C12orf42: variants seen among roughly 807,000 people sequenced by gnomAD.
C12orf42 encodes chromosome 12 open reading frame 42, also known as uncharacterized protein C12orf42.
In C12orf42, 25 loss-of-function variants were observed where a neutral mutation model predicts 21.6. The ratio of observed to expected loss-of-function variants is 1.16; its 90% CI spans 0.84 to 1.62. The LOEUF (loss-of-function observed/expected upper bound fraction) is 1.62. Ranked by LOEUF, C12orf42 falls within the 40% of genes most tolerant of loss-of-function variation. The pLI, the probability that C12orf42 is intolerant of heterozygous loss-of-function variation, is 0.00. For missense variants in C12orf42, 483 were observed against 459.3 expected, an observed-to-expected ratio of 1.05 and a Z score of -0.47; for synonymous variants, 174 against 175.0, an observed-to-expected ratio of 0.99 and a Z score of 0.05.
At chr12:103,522,202 T>C in the C12orf42 span, among the ~76,000 whole-genome samples, 2 of 152,334 alleles carry the variant, frequency 1.3e-5, no homozygotes, top group Admixed American at 1.3e-4. Context: ...CTGATGGCTA[T>C]ATAAAGGGTT....
chr12:103,209,412 A>G, the C12orf42 span, among the ~76,000 whole-genome samples: 1 of 152,214 alleles, frequency 6.6e-6, no homozygotes, highest in East Asian at 1.9e-4. Context: ...TAAAATATAC[A>G]CAATTAATTA....
At chr12:103,145,938 C>T in the C12orf42 span, among the ~76,000 whole-genome samples, 13 of 144,002 alleles carry the variant, frequency 9.0e-5, no homozygotes, top group South Asian at 4.4e-4. Context: ...TGTGAATTTT[C>T]GTATACATAT....
intron 3 of C12orf42, among the ~76,000 whole-genome samples, chr12:103,374,713 T>G (rs2045546451): frequency 6.6e-6 from 1 of 152,126 alleles, no homozygotes; most frequent in Non-Finnish European, 1.5e-5. Context: ...TTAAGAAAGT[T>G]GATGAATTTG....
the C12orf42 span, among the ~76,000 whole-genome samples, chr12:103,510,673 A>G: frequency 6.6e-6 from 1 of 152,188 alleles, no homozygotes; most frequent in Non-Finnish European, 1.5e-5. Flanking sequence ...GAACTCAGTG[A>G]TAAAATTACA....
chr12:103,391,898 T>TA (rs1194087178), intron 3 of C12orf42, among the ~76,000 whole-genome samples: 11 of 152,152 alleles, frequency 7.2e-5, no homozygotes, highest in African/African-American at 2.4e-4. Context: ...AAGAAACCAT[T>TA]ACCAAATCTA....
intron 4 of C12orf42, among the ~76,000 whole-genome samples, chr12:103,351,949 C>G (rs2043135449): frequency 6.6e-6 from 1 of 151,888 alleles, no homozygotes; most frequent in South Asian, 2.1e-4. Flanking sequence ...CCACCCTCTT[C>G]CTCTCTTTCT....
chr12:103,078,845 A>T, the C12orf42 span, among the ~76,000 whole-genome samples: 1 of 152,280 alleles, frequency 6.6e-6, no homozygotes. Context: ...AAATTCAGAC[A>T]TTGCTTTGTC....
At chr12:103,355,506 G>C (rs970502830) in intron 4 of C12orf42, among the ~76,000 whole-genome samples, 1 of 152,030 alleles carries the variant, frequency 6.6e-6, no homozygotes, top group Non-Finnish European at 1.5e-5. Flanking sequence ...TGACCATCCA[G>C]GTTCTCATCA....
At chr12:103,345,103 A>G (rs1352034593) in intron 4 of C12orf42, among the ~76,000 whole-genome samples, 1 of 152,182 alleles carries the variant, frequency 6.6e-6, no homozygotes, top group East Asian at 1.9e-4. Flanking sequence ...TTTGGCTTCA[A>G]ATACTACATC....
At chr12:103,078,102 A>G in the C12orf42 span, among the ~76,000 whole-genome samples, 3 of 152,286 alleles carry the variant, frequency 2.0e-5, no homozygotes, top group Admixed American at 1.3e-4. Flanking sequence ...CTGACATTAT[A>G]TGGATCTTCA....
At chr12:103,065,412 A>T in the C12orf42 span, among the ~76,000 whole-genome samples, 2 of 152,180 alleles carry the variant, frequency 1.3e-5, no homozygotes, top group African/African-American at 4.8e-5. Context: ...CACCAGAAGA[A>T]ATTTGCCTTC....
rs192727203 is a variant in C12orf42 at position 103,272,657 on chromosome 12, A to G, written n.399-2804T>C. Among the ~76,000 whole-genome samples, 39 of 152,342 alleles carry G rather than the reference A, an allele frequency of 2.6e-4. 1 individual carries two copies. The highest frequency in any genetic ancestry group is 3.4e-3 in the Middle Eastern group (1 of 294). ...TTCAATGAAAATGGGCTCAAAGAAA[A>G]TAGTGCAAGACCAAGACTAGACAGA... is the stretch of plus-strand genomic sequence containing the variant. On this transcript the variant is annotated intron_variant and non_coding_transcript_variant, in intron 5 of 6. Transcript: ENST00000546526.
At chr12:103,365,521 A>G (rs931040376) in intron 4 of C12orf42, among the ~76,000 whole-genome samples, 86 of 152,132 alleles carry the variant, frequency 5.7e-4, no homozygotes, top group African/African-American at 1.9e-3. Flanking sequence ...AATCAGTAAA[A>G]AGGAAGTCAA....
chr12:103,356,507 C>A (rs2043571750), intron 4 of C12orf42, among the ~76,000 whole-genome samples: 1 of 151,900 alleles, frequency 6.6e-6, no homozygotes, highest in Non-Finnish European at 1.5e-5. Context: ...GTCTTTATAG[C>A]AGCATGATTT....
the C12orf42 span, among the ~76,000 whole-genome samples, chr12:103,525,979 T>C: frequency 3.3e-5 from 5 of 152,138 alleles, no homozygotes; most frequent in East Asian, 5.8e-4. Flanking sequence ...TGAGCCAAGA[T>C]TGCACCACTG....
At chr12:103,157,376 C>T in the C12orf42 span, among the ~76,000 whole-genome samples, 1 of 151,840 alleles carries the variant, frequency 6.6e-6, no homozygotes, top group African/African-American at 2.4e-5. Context: ...GATATTAGAC[C>T]TTTGTCAGAT....
intron 4 of C12orf42, among the ~76,000 whole-genome samples, chr12:103,346,885 A>T (rs2042669449): frequency 6.6e-6 from 1 of 152,166 alleles, no homozygotes; most frequent in African/African-American, 2.4e-5. Flanking sequence ...CATACTATCA[A>T]AAATGCATTC....
At chr12:103,508,668 A>G in the C12orf42 span, among the ~76,000 whole-genome samples, 2 of 152,138 alleles carry the variant, frequency 1.3e-5, no homozygotes, top group Non-Finnish European at 2.9e-5. Context: ...TATTTGCTGG[A>G]AATTACAGTT....
chr12:103,228,359 G>A, the C12orf42 span, among the ~76,000 whole-genome samples: 1 of 152,112 alleles, frequency 6.6e-6, no homozygotes, highest in Non-Finnish European at 1.5e-5. Flanking sequence ...CCAGGAAAAG[G>A]ACTTTCACAA....
Sources: allele counts gnomAD v4.1 joint callset (sites outside exome capture counted in the v4.1 genomes callset), GRCh38; gene constraint gnomAD v4.1.1; transcripts MANE v1.5; gene names NCBI Gene and HGNC (gene_info 2026-07-23, HGNC 2026-07-21).